The following GPHN variants were observed in gnomAD, a reference collection of about 807,000 sequenced individuals.
GPHN encodes the protein gephyrin.
In GPHN, 17 loss-of-function variants were observed where a neutral mutation model predicts 95.5. The observed-to-expected ratio is 0.18, with a 90% CI of 0.12 to 0.27. The LOEUF is 0.27. Among genes scored for constraint, GPHN ranks in the 10% least tolerant of loss-of-function variants. GPHN has a pLI of 1.00. For missense variants in GPHN, 660 were observed against 978.1 expected (o/e 0.67, Z 4.34); for synonymous variants, 320 against 322.5 (o/e 0.99, Z 0.08).
At chr14:67,364,578 A>AT in the GPHN span, 1 of 545,828 alleles carries the variant, frequency 1.8e-6, no homozygotes, top group Non-Finnish European at 3.1e-6. Context: ...CAAAATAAAA[A>AT]TTAAAGCTTG....
intron 1 of GPHN, chr14:66,509,361 C>T (rs2057940726): frequency 6.6e-6 from 1 of 152,342 alleles, no homozygotes; most frequent in African/African-American, 2.4e-5. Context: ...CTCTCCCCCT[C>T]CTTTCTGGGA....
At chr14:67,502,070 C>T in the GPHN span, among the ~76,000 whole-genome samples, 1 of 152,190 alleles carries the variant, frequency 6.6e-6, no homozygotes, top group Non-Finnish European at 1.5e-5. Context: ...CTGTGGCTCA[C>T]ACTTGTAATA....
At chr14:67,646,616 TA>T in the GPHN span, 1 of 1,531,396 alleles carries the variant, frequency 6.5e-7, no homozygotes, top group Non-Finnish European at 9.0e-7. Flanking sequence ...AATTCTTGAT[TA>T]ATCCTGTCCA....
At chr14:67,136,081 A>T (rs1010519179) in intron 17 of GPHN, among the ~76,000 whole-genome samples, 17 of 151,230 alleles carry the variant, frequency 1.1e-4, no homozygotes, top group Non-Finnish European at 2.1e-4. Context: ...TTGTTATTAA[A>T]ATTATCTATT....
chr14:66,597,535 G>A (rs890857181), intron 1 of GPHN, among the ~76,000 whole-genome samples: 18 of 152,194 alleles, frequency 1.2e-4, no homozygotes, highest in Admixed American at 1.1e-3. Flanking sequence ...ATTAGAGTGG[G>A]TGCCAGGAGT....
the GPHN span, among the ~76,000 whole-genome samples, chr14:67,388,882 T>C: frequency 6.6e-6 from 1 of 152,030 alleles, no homozygotes; most frequent in Non-Finnish European, 1.5e-5. Flanking sequence ...GTTCATCACC[T>C]TGGCCAGGCT....
At chr14:66,654,487 C>G (rs2065209398) in intron 1 of GPHN, among the ~76,000 whole-genome samples, 1 of 152,106 alleles carries the variant, frequency 6.6e-6, no homozygotes, top group African/African-American at 2.4e-5. Context: ...TCTCTTTATA[C>G]CTTTTGCTCA....
At chr14:67,586,340 T>C in the GPHN span, 7 of 1,426,716 alleles carry the variant, frequency 4.9e-6, no homozygotes, top group Admixed American at 4.0e-5. Context: ...TATTATGCTC[T>C]TCACTTTTTC....
chr14:66,892,235 C>A (rs913419219), intron 5 of GPHN, among the ~76,000 whole-genome samples: 2 of 152,046 alleles, frequency 1.3e-5, no homozygotes, highest in Non-Finnish European at 2.9e-5. Flanking sequence ...CCAGCCTGAG[C>A]AAAATAGACC....
At chr14:67,307,855 G>A in the GPHN span, among the ~76,000 whole-genome samples, 1 of 152,050 alleles carries the variant, frequency 6.6e-6, no homozygotes, top group Non-Finnish European at 1.5e-5. Context: ...TGATAGATTC[G>A]ATAAAGAAAA....
intron 1 of GPHN, among the ~76,000 whole-genome samples, chr14:66,552,004 T>A (rs1393233726): frequency 6.6e-6 from 1 of 152,138 alleles, no homozygotes; most frequent in Non-Finnish European, 1.5e-5. Context: ...CCAACCTTTA[T>A]CTTTGAAACC....
At chr14:67,492,201 A>G in the GPHN span, among the ~76,000 whole-genome samples, 4 of 151,452 alleles carry the variant, frequency 2.6e-5, no homozygotes, top group Non-Finnish European at 5.9e-5. Flanking sequence ...TCCCACGTCT[A>G]TTTCCTCCCA....
At chr14:66,976,890 T>A (rs2153595740) in intron 9 of GPHN, among the ~76,000 whole-genome samples, 1 of 107,346 alleles carries the variant, frequency 9.3e-6, no homozygotes, top group Non-Finnish European at 1.8e-5. Flanking sequence ...TTTAATAAAA[T>A]AAATACATGC....
At chr14:67,503,704 T>A in the GPHN span, among the ~76,000 whole-genome samples, 47 of 152,234 alleles carry the variant, frequency 3.1e-4, no homozygotes, top group Non-Finnish European at 6.0e-4. Flanking sequence ...TATTTTTATT[T>A]TTTATTTATT....
At chr14:67,333,166 G>A in the GPHN span, 10 of 402,282 alleles carry the variant, frequency 2.5e-5, no homozygotes, top group Non-Finnish European at 4.0e-5. Flanking sequence ...TGGCTTTAGC[G>A]GTTCTTGCCT....
chr14:67,731,658 A>C, the GPHN span, among the ~76,000 whole-genome samples: 4 of 152,214 alleles, frequency 2.6e-5, no homozygotes, highest in African/African-American at 9.6e-5. Flanking sequence ...TTAGTGATAT[A>C]ATGTTGTAAG....
At chr14:67,675,868 G>A in the GPHN span, among the ~76,000 whole-genome samples, 2 of 152,112 alleles carry the variant, frequency 1.3e-5, no homozygotes, top group African/African-American at 2.4e-5. Flanking sequence ...GGCCGAGGCG[G>A]GCGGATCACT....
chr14:66,769,743 G>A (rs147574208), intron 2 of GPHN, among the ~76,000 whole-genome samples: 6,702 of 152,156 alleles, frequency 0.044, 190 homozygotes, highest in Middle Eastern at 0.068. Context: ...TGGGCATTTA[G>A]GTTGATTCTG....
At chr14:67,010,155 C>G (rs577650103) in intron 9 of GPHN, among the ~76,000 whole-genome samples, 4 of 152,072 alleles carry the variant, frequency 2.6e-5, no homozygotes, top group Admixed American at 1.3e-4. Flanking sequence ...TTCAGCTCCT[C>G]CCATGTTAAC....
Sources: allele counts gnomAD v4.1 joint callset (sites outside exome capture counted in the v4.1 genomes callset), GRCh38; gene constraint gnomAD v4.1.1; transcripts MANE v1.5; gene names NCBI Gene and HGNC (gene_info 2026-07-23, HGNC 2026-07-21).